The following GDPD5 variants were observed in gnomAD, a reference collection of about 807,000 sequenced individuals.
GDPD5 encodes the protein glycerophosphodiester phosphodiesterase 2.
A neutral mutation model predicts 75.1 loss-of-function variants in GDPD5; 48 were observed. That is an observed-to-expected ratio of 0.64 (90% CI 0.51 to 0.81). GDPD5 has a LOEUF of 0.81. Ranked by LOEUF, GDPD5 falls within the 40% of genes least tolerant of loss-of-function variation. The probability of loss-of-function intolerance (pLI) is 0.00; values close to 1 mark genes in which losing one functional copy is unlikely to be tolerated. For missense variants in GDPD5, 706 were observed against 822.6 expected, an observed-to-expected ratio of 0.86 and a Z score of 1.73; for synonymous variants, 336 against 339.0, an observed-to-expected ratio of 0.99 and a Z score of 0.10.
chr11:75,459,543 C>A (rs1218212146), intron 4 of GDPD5, among the ~76,000 whole-genome samples: 2 of 152,278 alleles, frequency 1.3e-5, no homozygotes, highest in African/African-American at 4.8e-5. Flanking sequence ...CCACATCCGG[C>A]TGGGCGCGGT....
intron 4 of GDPD5, among the ~76,000 whole-genome samples, chr11:75,462,403 G>C (rs995048476): frequency 2.0e-4 from 30 of 152,168 alleles, no homozygotes; most frequent in Admixed American, 7.2e-4. Flanking sequence ...AAGTTCCCCA[G>C]GTTTCAATCC....
At chr11:75,465,615 C>T (rs1163578958) in intron 3 of GDPD5, among the ~76,000 whole-genome samples, 2 of 152,228 alleles carry the variant, frequency 1.3e-5, no homozygotes, top group Admixed American at 1.3e-4. Context: ...GGCATGAGTA[C>T]ACCCACCCAG....
At position 75,515,372 on chromosome 11, in the gene GDPD5, C is replaced by T. The variant is rs146105054; in HGVS notation, c.-145+9838G>A. Among the ~76,000 whole-genome samples, 24 of 152,338 alleles carry T rather than the reference C, an allele frequency of 1.6e-4. No individual in the cohort carries two copies. In the East Asian group the frequency reaches 4.0e-3, roughly 26 times the overall value. On this transcript the variant is annotated intron_variant, in intron 1 of 16. Transcript: ENST00000336898. ...AGGCTCAGTCTCTGGCACCATTATG[C>T]CTCCTGCTCCCTGCCTGGCAAGAAC...
chr11:75,514,512 T>C (rs1018025474), intron 1 of GDPD5, among the ~76,000 whole-genome samples: 2 of 152,246 alleles, frequency 1.3e-5, no homozygotes, highest in African/African-American at 4.8e-5. Context: ...TTTTGGAGCA[T>C]GCATTAAGCA....
intron 7 of GDPD5, 119 bp from the exon 8 acceptor site, chr11:75,449,729 G>A: frequency 7.9e-7 from 1 of 1,273,772 alleles, no homozygotes; most frequent in South Asian, 1.3e-5. Flanking sequence ...GCCAACTGGG[G>A]ACACTGGGAG....
chr11:75,452,060 T>G (rs1949172935), intron 6 of GDPD5: 1 of 152,206 alleles, frequency 6.6e-6, no homozygotes, highest in African/African-American at 2.4e-5. Flanking sequence ...GTGATAGCCA[T>G]GGTGGGTACA....
At chr11:75,480,213 T>G (rs933770515) in intron 2 of GDPD5, among the ~76,000 whole-genome samples, 8 of 151,616 alleles carry the variant, frequency 5.3e-5, no homozygotes, top group Non-Finnish European at 1.2e-4. Flanking sequence ...TGGGCACCTG[T>G]AATCCCAGCT....
chr11:75,473,381 G>T (rs1285732867), intron 3 of GDPD5, among the ~76,000 whole-genome samples: 1 of 152,010 alleles, frequency 6.6e-6, no homozygotes, highest in African/African-American at 2.4e-5. Context: ...TGGGCATCAT[G>T]GGAGGATGGG....
intron 1 of GDPD5, among the ~76,000 whole-genome samples, chr11:75,512,327 A>ACACACACACACAC (rs1950541308): frequency 3.0e-5 from 1 of 33,810 alleles, no homozygotes; most frequent in South Asian, 8.9e-4. Context: ...CACACACACG[A>ACACACACACACAC]GGGGAGAGGA....
chr11:75,503,465 G>A (rs961165318), intron 1 of GDPD5, among the ~76,000 whole-genome samples: 1 of 152,214 alleles, frequency 6.6e-6, no homozygotes, highest in Non-Finnish European at 1.5e-5. Context: ...CTTGTTCAAG[G>A]TCATAGAGGT....
intron 4 of GDPD5, among the ~76,000 whole-genome samples, chr11:75,459,304 C>T (rs1949361020): frequency 6.6e-6 from 1 of 151,116 alleles, no homozygotes; most frequent in Admixed American, 6.6e-5. Flanking sequence ...TAGATTCCTA[C>T]AGATACAATT....
At chr11:75,449,772 C>A in intron 7 of GDPD5, 113 bp downstream of exon 7, 1 of 1,290,088 alleles carries the variant, frequency 7.8e-7, no homozygotes, top group East Asian at 2.3e-5. Context: ...CTAGTTCTGA[C>A]CTGCTCTGTG....
chr11:75,457,665 A>C lies in GDPD5; in HGVS notation c.315+28T>G, dbSNP rs759574254. 8.1e-6 allele frequency: 13 copies of C among 1,599,724 alleles called. No homozygotes were observed. In the South Asian group the frequency reaches 1.3e-4, roughly 16 times the overall value. Reference sequence around the variant, plus strand: ...TATCCCTTCCCCTGGGAGCAGGGCCACCTGCCCTCCAAAACAGCCCCATGT... The same window carrying C: ...TATCCCTTCCCCTGGGAGCAGGGCCCCCTGCCCTCCAAAACAGCCCCATGT... On this transcript the variant is annotated intron_variant, in intron 5 of 16. Coordinates refer to ENST00000336898, the MANE Select transcript of GDPD5 (RefSeq NM_030792.8).
intron 1 of GDPD5, among the ~76,000 whole-genome samples, chr11:75,503,731 C>T (rs776724544): frequency 2.0e-5 from 3 of 152,248 alleles, no homozygotes; most frequent in Non-Finnish European, 4.4e-5. Context: ...ATGAGTCTGA[C>T]GTGAGTCTCC....
intron 1 of GDPD5, among the ~76,000 whole-genome samples, chr11:75,524,641 C>T (rs1324566846): frequency 6.6e-6 from 1 of 152,178 alleles, no homozygotes; most frequent in African/African-American, 2.4e-5. Context: ...GTCTCAGGAC[C>T]TCCAGAGTGT....
chr11:75,499,621 G>A (rs762884626), intron 1 of GDPD5, among the ~76,000 whole-genome samples: 1 of 152,134 alleles, frequency 6.6e-6, no homozygotes, highest in Non-Finnish European at 1.5e-5. Flanking sequence ...GTGGCCAGCT[G>A]ATAGGCTTGG....
chr11:75,461,807 T>G (rs1336909718), intron 4 of GDPD5, among the ~76,000 whole-genome samples: 1 of 152,024 alleles, frequency 6.6e-6, no homozygotes, highest in East Asian at 1.9e-4. Context: ...GGATGGGGAG[T>G]GAGGAGCCAG....
chr11:75,508,894 C>T (rs1158102757), intron 1 of GDPD5: 1 of 152,282 alleles, frequency 6.6e-6, no homozygotes, highest in Non-Finnish European at 1.5e-5. Context: ...CAGCACCTAC[C>T]CTGGGCAGGT....
chr11:75,487,586 C>T (rs61897413), intron 2 of GDPD5, among the ~76,000 whole-genome samples: 14,503 of 152,278 alleles, frequency 0.095, 819 homozygotes, highest in East Asian at 0.17. Context: ...TAATCTCTTT[C>T]CACGGTGATG....
Sources: gnomAD v4.1 joint callset for allele counts (sites outside exome capture counted in the v4.1 genomes callset) on GRCh38, gnomAD v4.1.1 for gene constraint, MANE v1.5 for transcripts, NCBI Gene and HGNC (gene_info 2026-07-23, HGNC 2026-07-21) for gene names.